The following SIRT1 variants were observed in gnomAD, a reference collection of about 807,000 sequenced individuals.
SIRT1 encodes sirtuin 1.
A neutral mutation model predicts 67.9 loss-of-function variants in SIRT1; 24 were observed. That is an observed-to-expected ratio of 0.35 (90% CI 0.26 to 0.50). The LOEUF is 0.50. SIRT1 is among the 20% of genes least tolerant of loss of function. The probability of loss-of-function intolerance (pLI) is 0.98; values close to 1 mark genes in which losing one functional copy is unlikely to be tolerated. For missense variants in SIRT1, 873 were observed against 937.2 expected (o/e 0.93, Z 0.89); for synonymous variants, 378 against 350.7 (o/e 1.08, Z -0.87).
At chr10:67,908,559 A>C (rs973125879) in intron 6 of SIRT1, among the ~76,000 whole-genome samples, 1 of 152,210 alleles carries the variant, frequency 6.6e-6, no homozygotes, top group African/African-American at 2.4e-5. Flanking sequence ...TGTGCTTAGC[A>C]ATATATGGAG....
At chr10:67,915,218 C>T (rs1261365715) in intron 8 of SIRT1, among the ~76,000 whole-genome samples, 1 of 152,154 alleles carries the variant, frequency 6.6e-6, no homozygotes, top group Non-Finnish European at 1.5e-5. Flanking sequence ...TTGGAGAGAA[C>T]TTGAGATAGG....
At chr10:67,914,545 G>C (rs1019143166) in intron 8 of SIRT1, among the ~76,000 whole-genome samples, 14 of 152,176 alleles carry the variant, frequency 9.2e-5, no homozygotes, top group African/African-American at 3.4e-4. Context: ...TAGAAAAATT[G>C]CTACTGACTT....
In SIRT1 at chr10:67,916,613, C is replaced by T. The variant is rs2029921925; in HGVS notation, c.*20C>T. ...TCATAGTGTAATAATTGTGCAGGTA[C>T]AGGAATTGTTCCACCAGCATTAGGA... On this transcript the variant is annotated 3_prime_UTR_variant, in exon 9 of 9. Coordinates refer to ENST00000212015, the MANE Select transcript of SIRT1 (RefSeq NM_012238.5). 1.3e-6 allele frequency: 2 copies of T among 1,579,438 alleles called. No homozygotes were observed. The highest frequency in any genetic ancestry group is 8.6e-7 in the Non-Finnish European group (1 of 1,157,180).
At chr10:67,886,260 TGAG>T (rs1842479068) in intron 1 of SIRT1, among the ~76,000 whole-genome samples, 1 of 151,814 alleles carries the variant, frequency 6.6e-6, no homozygotes, top group African/African-American at 2.4e-5. Flanking sequence ...ATTTTTGATC[TGAG>T]GAGTTTCTAT....
At chr10:67,906,349 CA>C (rs986073073) in intron 4 of SIRT1, 387 of 1,462,978 alleles carry the variant, frequency 2.6e-4, no homozygotes, top group Admixed American at 7.4e-4. Flanking sequence ...AATGATAAAT[CA>C]AAAAAAAATT....
At chr10:67,910,324 G>A (rs1232271649) in intron 7 of SIRT1, among the ~76,000 whole-genome samples, 4 of 152,068 alleles carry the variant, frequency 2.6e-5, no homozygotes, top group South Asian at 2.1e-4. Flanking sequence ...GCAATGAGCC[G>A]AGAATGTGCC....
chr10:67,885,947 T>TC (rs1159930859), intron 1 of SIRT1, among the ~76,000 whole-genome samples: 1 of 137,462 alleles, frequency 7.3e-6, no homozygotes, highest in East Asian at 2.1e-4. Context: ...GTTTCTTTTT[T>TC]TTTTTTTTTT....
chr10:67,909,169 A>T (rs751347421), intron 6 of SIRT1, 87 bp from the exon 7 acceptor site: 5 of 833,860 alleles, frequency 6.0e-6, no homozygotes, highest in Middle Eastern at 2.4e-4. Context: ...TCTGAAATGT[A>T]TTCTTAGAGG....
chr10:67,909,235 C>G (rs764671450), intron 6 of SIRT1, 21 bp from the exon 7 acceptor site: 1 of 1,554,672 alleles, frequency 6.4e-7, no homozygotes, highest in Non-Finnish European at 8.7e-7. Flanking sequence ...TCTACCTCAA[C>G]CAAAATCTGA....
At chr10:67,906,151 T>C in intron 4 of SIRT1, 1 of 1,341,170 alleles carries the variant, frequency 7.5e-7, no homozygotes. Context: ...TCTGAATTCT[T>C]TGTTTTTAAA....
intron 2 of SIRT1, among the ~76,000 whole-genome samples, chr10:67,888,549 C>T (rs1008818401): frequency 2.0e-5 from 3 of 152,032 alleles, no homozygotes; most frequent in East Asian, 3.9e-4. Flanking sequence ...TACGATTTTT[C>T]TATGTCGTAG....
At chr10:67,897,580 T>A (rs1447793828) in intron 4 of SIRT1, among the ~76,000 whole-genome samples, 1 of 152,082 alleles carries the variant, frequency 6.6e-6, no homozygotes, top group Non-Finnish European at 1.5e-5. Context: ...GCCAGGCTGG[T>A]CTCGAACTCT....
chr10:67,899,930 A>G (rs966047756), intron 4 of SIRT1, among the ~76,000 whole-genome samples: 1 of 151,870 alleles, frequency 6.6e-6, no homozygotes, highest in Admixed American at 6.6e-5. Context: ...TAAAAATACA[A>G]AAAATTAGCC....
intron 6 of SIRT1, 96 bp from the exon 7 acceptor site, chr10:67,909,160 C>T: frequency 1.9e-5 from 14 of 745,982 alleles, no homozygotes; most frequent in East Asian, 8.7e-5. Flanking sequence ...TTTAATAATT[C>T]TGAAATGTAT....
At chr10:67,910,004 A>G (rs1293643243) in intron 7 of SIRT1, among the ~76,000 whole-genome samples, 2 of 152,076 alleles carry the variant, frequency 1.3e-5, no homozygotes, top group Non-Finnish European at 2.9e-5. Context: ...GAGCCTCCAC[A>G]TCTGGCTGAA....
intron 5 of SIRT1, among the ~76,000 whole-genome samples, chr10:67,907,588 A>T (rs1334529224): frequency 1.3e-5 from 2 of 152,140 alleles, no homozygotes; most frequent in Non-Finnish European, 1.5e-5. Flanking sequence ...AAACTAAAAG[A>T]ACTGGATAGT....
chr10:67,893,801 C>T (rs1325322523), intron 4 of SIRT1, among the ~76,000 whole-genome samples: 1 of 152,172 alleles, frequency 6.6e-6, no homozygotes, highest in Admixed American at 6.6e-5. Context: ...TCTCAGCCTC[C>T]CAAAGTGCTG....
Position 67,891,498 on chromosome 10 carries a change from A to T in SIRT1, c.886A>T (p.Met296Leu). Residue 296 changes from methionine (M) to leucine (L), a missense_variant, in exon 4 of 9, where the codon ATG (methionine) becomes TTG (leucine). Met to Leu is a conservative substitution (Grantham distance 15). Coordinates refer to ENST00000212015, the MANE Select transcript of SIRT1 (RefSeq NM_012238.5). ...DFPDLPDPQA[M>L]FDIEYFRKDP... ...CCCAGATCTTCCAGATCCTCAAGCG[A>T]TGTTTGATATTGAATATTTCAGAAA... The T allele has an allele frequency of 6.2e-7, 1 of 1,614,128 alleles. No homozygotes were observed. The highest frequency in any genetic ancestry group is 2.2e-5 in the East Asian group (1 of 44,872).
intron 4 of SIRT1, among the ~76,000 whole-genome samples, chr10:67,900,724 G>A (rs1385731945): frequency 2.6e-5 from 4 of 152,136 alleles, no homozygotes; most frequent in African/African-American, 4.8e-5. Flanking sequence ...GATTGTAGGC[G>A]TTAACTATCA....
Sources: gnomAD v4.1 joint callset for allele counts (sites outside exome capture counted in the v4.1 genomes callset) on GRCh38, gnomAD v4.1.1 for gene constraint, MANE v1.5 for transcripts, NCBI Gene and HGNC (gene_info 2026-07-23, HGNC 2026-07-21) for gene names.